Variants in CARMIL1 observed in about 807,000 individuals in gnomAD.
CARMIL1 encodes capping protein regulator and myosin 1 linker 1, also known as F-actin-uncapping protein LRRC16A.
A neutral mutation model predicts 177.1 loss-of-function variants in CARMIL1; 90 were observed. The observed-to-expected ratio is 0.51, with a 90% CI of 0.43 to 0.61. CARMIL1 has a LOEUF of 0.61. Ranked by LOEUF, CARMIL1 falls within the 20% of genes least tolerant of loss-of-function variation. The pLI is 0.00. For missense variants in CARMIL1, 1,380 were observed against 1,667.0 expected (o/e 0.83, Z 3.00); for synonymous variants, 577 against 606.2 (o/e 0.95, Z 0.71).
At chr6:25,410,325 T>A (rs1405768866) in intron 2 of CARMIL1, among the ~76,000 whole-genome samples, 1 of 152,318 alleles carries the variant, frequency 6.6e-6, no homozygotes, top group East Asian at 1.9e-4. Context: ...GCAATAGACT[T>A]ACAGTAAAAG....
At chr6:25,486,509 G>C (rs1802669983) in intron 12 of CARMIL1, among the ~76,000 whole-genome samples, 1 of 152,126 alleles carries the variant, frequency 6.6e-6, no homozygotes, top group Admixed American at 6.5e-5. Context: ...TTCTTGATGA[G>C]AATCTGGTAT....
chr6:25,530,043 T>TGA (rs1438970739), intron 24 of CARMIL1, among the ~76,000 whole-genome samples: 12 of 151,958 alleles, frequency 7.9e-5, no homozygotes, highest in Non-Finnish European at 1.5e-4. Context: ...ATTATAAAAA[T>TGA]GAGAGATATT....
intron 31 of CARMIL1, among the ~76,000 whole-genome samples, chr6:25,589,869 C>T (rs1219028781): frequency 2.0e-5 from 3 of 152,170 alleles, no homozygotes; most frequent in African/African-American, 7.2e-5. Context: ...CTATATCATC[C>T]AGGTGACTGG....
At chr6:25,552,618 A>C (rs1344909677) in intron 27 of CARMIL1, among the ~76,000 whole-genome samples, 2 of 152,196 alleles carry the variant, frequency 1.3e-5, no homozygotes, top group Non-Finnish European at 1.5e-5. Context: ...TGGAAGCTTA[A>C]CCAGGAAGGA....
At chr6:25,457,709 A>G (rs896975760) in intron 8 of CARMIL1, among the ~76,000 whole-genome samples, 1 of 152,246 alleles carries the variant, frequency 6.6e-6, no homozygotes, top group Non-Finnish European at 1.5e-5. Flanking sequence ...TGCATGGAGC[A>G]TGAAGAGTGG....
chr6:25,581,088 C>A, intron 30 of CARMIL1, 98 bp downstream of exon 30: 1 of 1,308,080 alleles, frequency 7.6e-7, no homozygotes, highest in Non-Finnish European at 1.1e-6. Flanking sequence ...GGATGCACTA[C>A]ATGGGTAAAT....
At chr6:25,400,940 C>CT (rs1793833925) in intron 2 of CARMIL1, among the ~76,000 whole-genome samples, 1 of 152,110 alleles carries the variant, frequency 6.6e-6, no homozygotes, top group Non-Finnish European at 1.5e-5. Flanking sequence ...CCAAGCCATC[C>CT]TTAAGAAATT....
chr6:25,308,308 C>CCCCTT (rs1783442326), intron 2 of CARMIL1, among the ~76,000 whole-genome samples: 1 of 151,886 alleles, frequency 6.6e-6, no homozygotes, highest in African/African-American at 2.4e-5. Context: ...CCCTTTGTCA[C>CCCCTT]TGTGCCTGAG....
intron 1 of CARMIL1, among the ~76,000 whole-genome samples, chr6:25,283,392 C>A (rs1391524723): frequency 6.6e-6 from 1 of 152,080 alleles, no homozygotes; most frequent in Non-Finnish European, 1.5e-5. Flanking sequence ...TGCAGTCATG[C>A]CTAGGTAGTC....
At chr6:25,602,406 G>T (rs1163558192) in intron 33 of CARMIL1, among the ~76,000 whole-genome samples, 1 of 152,146 alleles carries the variant, frequency 6.6e-6, no homozygotes, top group African/African-American at 2.4e-5. Context: ...TTAATATGCT[G>T]TTTATGTTTT....
intron 2 of CARMIL1, among the ~76,000 whole-genome samples, chr6:25,411,234 G>A (rs1162955270): frequency 6.6e-6 from 1 of 152,106 alleles, no homozygotes; most frequent in Non-Finnish European, 1.5e-5. Context: ...CCCAATAGTT[G>A]AGGGCCTGGG....
intron 35 of CARMIL1, among the ~76,000 whole-genome samples, chr6:25,609,550 C>T (rs2151330803): frequency 6.6e-6 from 1 of 152,070 alleles, no homozygotes; most frequent in African/African-American, 2.4e-5. Flanking sequence ...TTGTCCAGTG[C>T]CCAAAGTCTT....
intron 29 of CARMIL1, among the ~76,000 whole-genome samples, chr6:25,569,537 G>C (rs900136732): frequency 1.3e-5 from 2 of 152,084 alleles, no homozygotes; most frequent in African/African-American, 2.4e-5. Flanking sequence ...CTTTTTACTT[G>C]GTACCTCTGT....
At chr6:25,461,358 A>G (rs1021734126) in intron 8 of CARMIL1, among the ~76,000 whole-genome samples, 1 of 152,208 alleles carries the variant, frequency 6.6e-6, no homozygotes, top group Non-Finnish European at 1.5e-5. Flanking sequence ...CTGGTTATCT[A>G]TTGCTATGTA....
Position 25,619,607 on chromosome 6 carries a change from C to T in CARMIL1, c.*24C>T. 1 of 1,609,838 alleles carries T rather than the reference C, an allele frequency of 6.2e-7. No homozygotes were observed. The highest frequency in any genetic ancestry group is 8.5e-7 in the Non-Finnish European group (1 of 1,177,846). On this transcript the variant is annotated 3_prime_UTR_variant, in exon 37 of 37. Coordinates refer to ENST00000329474, the MANE Select transcript of CARMIL1 (RefSeq NM_017640.6). ...AAAGGTCACCCACGCAGAAGTCTTCCTGTGCAGGGTGCTTTGGTAGCCATC... is the reference window on the plus strand; with the variant it reads ...AAAGGTCACCCACGCAGAAGTCTTCTTGTGCAGGGTGCTTTGGTAGCCATC...
intron 5 of CARMIL1, among the ~76,000 whole-genome samples, chr6:25,440,261 AT>A (rs1450219164): frequency 6.6e-6 from 1 of 152,236 alleles, no homozygotes; most frequent in Non-Finnish European, 1.5e-5. Context: ...TGGGAGATGA[AT>A]GAGCACAGGC....
intron 2 of CARMIL1, among the ~76,000 whole-genome samples, chr6:25,320,925 T>A (rs1239306567): frequency 1.3e-5 from 2 of 152,228 alleles, no homozygotes; most frequent in African/African-American, 2.4e-5. Flanking sequence ...AATCTCATAA[T>A]GTTTAAGAAA....
chr6:25,552,662 T>C (rs750831687), intron 27 of CARMIL1, among the ~76,000 whole-genome samples: 1 of 152,166 alleles, frequency 6.6e-6, no homozygotes, highest in African/African-American at 2.4e-5. Flanking sequence ...GATAGAATGA[T>C]CCTGAGATAT....
chr6:25,419,172 C>T (rs1795622000), intron 2 of CARMIL1, among the ~76,000 whole-genome samples: 1 of 152,148 alleles, frequency 6.6e-6, no homozygotes, highest in Admixed American at 6.5e-5. Context: ...TCTTAACTTT[C>T]TACAGTTTTG....
Sources: allele counts gnomAD v4.1 joint callset (sites outside exome capture counted in the v4.1 genomes callset), GRCh38; gene constraint gnomAD v4.1.1; transcripts MANE v1.5; gene names NCBI Gene and HGNC (gene_info 2026-07-23, HGNC 2026-07-21).